Variants in TAF3 observed in about 807,000 individuals in gnomAD.
TAF3 encodes TATA-box binding protein associated factor 3, also known as transcription initiation factor TFIID subunit 3.
Under a neutral mutation model 80.6 loss-of-function variants are expected in TAF3, and 7 were observed. The ratio of observed to expected loss-of-function variants is 0.09; its 90% CI spans 0.05 to 0.16. The LOEUF (loss-of-function observed/expected upper bound fraction) is 0.16, where lower values mean the gene tolerates loss of function less well. Ranked by LOEUF, TAF3 falls within the 10% of genes least tolerant of loss-of-function variation. The pLI is 1.00. For synonymous variants in TAF3, 444 were observed against 446.1 expected (o/e 1.00, Z 0.06); for missense variants, 921 against 1,140.2 (o/e 0.81, Z 2.77).
chr10:7,851,139 G>A (rs988237495), intron 2 of TAF3, among the ~76,000 whole-genome samples: 2 of 151,626 alleles, frequency 1.3e-5, no homozygotes, highest in Non-Finnish European at 2.9e-5. Context: ...GCATTTTAAG[G>A]AGAAATAAAA....
At chr10:7,873,246 T>G (rs1837283478) in intron 2 of TAF3, among the ~76,000 whole-genome samples, 1 of 152,186 alleles carries the variant, frequency 6.6e-6, no homozygotes, top group Non-Finnish European at 1.5e-5. Flanking sequence ...TTTTTCTAAC[T>G]TTATGAAATA....
At chr10:7,825,525 T>G (rs893741954) in intron 2 of TAF3, among the ~76,000 whole-genome samples, 6 of 152,162 alleles carry the variant, frequency 3.9e-5, no homozygotes, top group African/African-American at 1.2e-4. Flanking sequence ...GCAACCACCA[T>G]TCCTTTTTTT....
intron 2 of TAF3, among the ~76,000 whole-genome samples, chr10:7,930,013 G>C (rs1837853738): frequency 6.6e-6 from 1 of 152,154 alleles, no homozygotes; most frequent in African/African-American, 2.4e-5. Context: ...ACCAGCCTGG[G>C]CACGATAGGG....
chr10:7,967,894 A>G (rs1433135024), intron 3 of TAF3, among the ~76,000 whole-genome samples: 1 of 152,176 alleles, frequency 6.6e-6, no homozygotes, highest in Non-Finnish European at 1.5e-5. Flanking sequence ...CATTCTTTGG[A>G]ATATTAGCCC....
chr10:7,894,954 C>T (rs543532811), intron 2 of TAF3, among the ~76,000 whole-genome samples: 2 of 152,174 alleles, frequency 1.3e-5, no homozygotes, highest in Admixed American at 1.3e-4. Context: ...TGGCTCACCA[C>T]AACCTTTGCC....
chr10:7,936,572 C>T (rs1837922809), intron 2 of TAF3, among the ~76,000 whole-genome samples: 1 of 151,446 alleles, frequency 6.6e-6, no homozygotes, highest in Non-Finnish European at 1.5e-5. Context: ...ACAGAAAGTA[C>T]TGAGGGTTCC....
intron 2 of TAF3, among the ~76,000 whole-genome samples, chr10:7,845,452 G>A (rs59034943): frequency 0.15 from 22,076 of 152,154 alleles, 1,795 homozygotes; most frequent in East Asian, 0.3. Flanking sequence ...CAGTGCTAGG[G>A]GTAGGGGTGA....
rs1435642344 is a variant in TAF3, at chr10:7,988,887, ATTGT to A, written c.2315+11569_2315+11572del. Among the ~76,000 whole-genome samples, 4 of 151,822 alleles carry A rather than the reference ATTGT, an allele frequency of 2.6e-5. No individual in the cohort carries two copies. The South Asian group carries it at 8.3e-4, about 31-fold the overall frequency. ...TATAAATCCCTGTGTAAAATGGTAC[ATTGT>A]TTGTACTTTGCACTTAAAAGTTTAT... On this transcript the variant is annotated intron_variant, in intron 4 of 6. Transcript: ENST00000344293.
intron 3 of TAF3, among the ~76,000 whole-genome samples, chr10:7,974,197 T>C (rs1036059989): frequency 3.3e-5 from 5 of 151,530 alleles, no homozygotes; most frequent in Admixed American, 6.6e-5. Context: ...ACTTGAATGC[T>C]AACTAGTTAT....
intron 1 of TAF3, among the ~76,000 whole-genome samples, chr10:7,819,186 C>T (rs2131093488): frequency 6.6e-6 from 1 of 152,144 alleles, no homozygotes; most frequent in African/African-American, 2.4e-5. Flanking sequence ...CTCCTGTTTG[C>T]TGCGGGTAGA....
chr10:7,842,721 C>T (rs1294783269), intron 2 of TAF3, among the ~76,000 whole-genome samples: 1 of 152,100 alleles, frequency 6.6e-6, no homozygotes, highest in Non-Finnish European at 1.5e-5. Context: ...TCTGTTATTT[C>T]CTCTTCCAAG....
chr10:7,910,813 A>G (rs1837650579), intron 2 of TAF3, among the ~76,000 whole-genome samples: 1 of 152,256 alleles, frequency 6.6e-6, no homozygotes, highest in Admixed American at 6.5e-5. Flanking sequence ...TTTATTGTAT[A>G]CTGAATCACA....
At chr10:7,989,436 G>A (rs1831813077) in intron 4 of TAF3, among the ~76,000 whole-genome samples, 1 of 152,178 alleles carries the variant, frequency 6.6e-6, no homozygotes, top group Non-Finnish European at 1.5e-5. Flanking sequence ...ATATTTCACG[G>A]TGCTGAGAAA....
intron 4 of TAF3, among the ~76,000 whole-genome samples, chr10:7,993,844 A>C (rs1019910538): frequency 2.0e-5 from 3 of 150,750 alleles, no homozygotes; most frequent in African/African-American, 7.3e-5. Context: ...ACCCTGAAAT[A>C]CACCTCATAC....
intron 4 of TAF3, among the ~76,000 whole-genome samples, chr10:7,984,381 C>T (rs1226608315): frequency 6.6e-6 from 1 of 152,144 alleles, no homozygotes; most frequent in Non-Finnish European, 1.5e-5. Flanking sequence ...ATAATCAAAG[C>T]ATTTCCATCT....
intron 5 of TAF3, among the ~76,000 whole-genome samples, chr10:8,010,368 T>C (rs1268688069): frequency 6.6e-6 from 1 of 152,238 alleles, no homozygotes; most frequent in Admixed American, 6.5e-5. Flanking sequence ...AATATCAATC[T>C]GTAAATGTAG....
At chr10:7,822,692 T>G (rs1836702208) in intron 1 of TAF3, among the ~76,000 whole-genome samples, 1 of 152,210 alleles carries the variant, frequency 6.6e-6, no homozygotes, top group Non-Finnish European at 1.5e-5. Flanking sequence ...ACAGTGTGAT[T>G]TAATTTCAGA....
intron 2 of TAF3, among the ~76,000 whole-genome samples, chr10:7,892,854 G>C (rs1285811468): frequency 9.0e-6 from 1 of 111,072 alleles, no homozygotes; most frequent in Non-Finnish European, 1.8e-5. Flanking sequence ...TTTCTCTCTT[G>C]TAGCCCAGGC....
intron 2 of TAF3, among the ~76,000 whole-genome samples, chr10:7,922,672 G>A (rs370542451): frequency 2.6e-4 from 39 of 152,128 alleles, no homozygotes; most frequent in African/African-American, 8.9e-4. Flanking sequence ...CAGATGGCTG[G>A]CAATCCCTTG....
Sources: allele counts gnomAD v4.1 joint callset (sites outside exome capture counted in the v4.1 genomes callset), GRCh38; gene constraint gnomAD v4.1.1; transcripts MANE v1.5; gene names NCBI Gene and HGNC (gene_info 2026-07-23, HGNC 2026-07-21).